Variants in MSRA observed in about 807,000 individuals in gnomAD.
MSRA encodes the protein methionine sulfoxide reductase A.
A neutral mutation model predicts 31.3 loss-of-function variants in MSRA; 54 were observed. The observed-to-expected ratio is 1.73, with a 90% CI of 1.39 to 2.17. The LOEUF is 2.17. MSRA is among the 30% of genes most tolerant of loss of function. The pLI is 0.00. For synonymous variants in MSRA, 169 were observed against 116.5 expected (o/e 1.45, Z -2.90); for missense variants, 507 against 300.9 (o/e 1.69, Z -5.07).
chr8:10,088,106 T>G (rs1230817510), intron 1 of MSRA, among the ~76,000 whole-genome samples: 1 of 152,092 alleles, frequency 6.6e-6, no homozygotes, highest in Admixed American at 6.6e-5. Context: ...GGTATAGAGG[T>G]AGTCTGTTCA....
At chr8:10,215,543 C>T (rs943039177) in intron 2 of MSRA, among the ~76,000 whole-genome samples, 8 of 152,156 alleles carry the variant, frequency 5.3e-5, no homozygotes, top group Admixed American at 5.2e-4. Context: ...GGATCCATCA[C>T]CTCTCCTTCA....
chr8:10,346,877 C>T (rs4841325), intron 5 of MSRA, among the ~76,000 whole-genome samples: 31,314 of 152,096 alleles, frequency 0.21, 3,846 homozygotes, highest in Non-Finnish European at 0.28. Flanking sequence ...TAGGTTGGCT[C>T]CCTGGGCTGG....
intron 1 of MSRA, among the ~76,000 whole-genome samples, chr8:10,126,884 C>T (rs1480584404): frequency 1.3e-5 from 2 of 152,216 alleles, no homozygotes; most frequent in Non-Finnish European, 1.5e-5. Flanking sequence ...GTTCGCACTC[C>T]TATGAGAATG....
chr8:10,428,192 G>C lies in MSRA; in HGVS notation c.588G>C (p.Arg196=). 7.4e-6 allele frequency: 12 copies of C among 1,614,124 alleles called. No individual in the cohort carries two copies. The highest frequency in any genetic ancestry group is 1.0e-5 in the Non-Finnish European group (12 of 1,180,012). The change falls in exon 6 of 6, where the codon CGG becomes CGC. Residue 196 remains arginine (R), a synonymous_variant. Transcript: ENST00000317173. Reference sequence around the variant, plus strand: ...TCGGCCCCATCACTACCGACATCCGGGAGGGACAGACTTTCTACTATGCGG... The same window carrying C: ...TCGGCCCCATCACTACCGACATCCGCGAGGGACAGACTTTCTACTATGCGG... The part of the protein sequence containing the change: ...HGFGPITTDI[R]EGQTFYYAED...
intron 1 of MSRA, among the ~76,000 whole-genome samples, chr8:10,179,166 T>C (rs921615306): frequency 1.3e-5 from 2 of 152,214 alleles, no homozygotes; most frequent in African/African-American, 4.8e-5. Context: ...CTTTTAATAA[T>C]TGAATTATTT....
At chr8:10,418,686 T>C (rs1009173101) in intron 5 of MSRA, among the ~76,000 whole-genome samples, 2 of 151,716 alleles carry the variant, frequency 1.3e-5, no homozygotes, top group Non-Finnish European at 2.9e-5. Context: ...AAAAAGTGTC[T>C]GTAGGTCAGT....
chr8:10,420,302 G>T (rs913270378), intron 5 of MSRA, among the ~76,000 whole-genome samples: 17 of 146,610 alleles, frequency 1.2e-4, no homozygotes, highest in Admixed American at 1.0e-3. Context: ...AAGTTTTTTT[G>T]TTTTTTTTTT....
intron 1 of MSRA, among the ~76,000 whole-genome samples, chr8:10,065,544 CTT>C (rs1483345612): frequency 6.6e-6 from 1 of 152,192 alleles, no homozygotes; most frequent in East Asian, 1.9e-4. Flanking sequence ...ACACACCTGA[CTT>C]AAGCTATGTG....
chr8:10,351,652 T>C (rs918915057), intron 5 of MSRA, among the ~76,000 whole-genome samples: 5 of 152,212 alleles, frequency 3.3e-5, no homozygotes, highest in Admixed American at 6.5e-5. Context: ...GGATGGGAGA[T>C]GATTAAACTA....
chr8:10,301,641 A>G lies in MSRA; in HGVS notation c.436+3A>G, dbSNP rs778440723. 5.0e-6 allele frequency: 8 copies of G among 1,607,078 alleles called. No individual in the cohort carries two copies. Among genetic ancestry groups the G allele is most frequent in the Non-Finnish European group, 6.8e-6 (8 of 1,174,616 alleles). On this transcript the variant is annotated splice_donor_region_variant and intron_variant, in intron 4 of 5. Transcript: ENST00000317173. ...GGAGAATCACGACCCGACCCAAGGT[A>G]GAGTGATGAGTGAGCCAGTATTTAA...
At chr8:10,239,599 C>G (rs1346854516) in intron 2 of MSRA, among the ~76,000 whole-genome samples, 1 of 152,258 alleles carries the variant, frequency 6.6e-6, no homozygotes, top group Non-Finnish European at 1.5e-5. Flanking sequence ...CTTTTGCCTA[C>G]TTGTCCCTGT....
intron 1 of MSRA, among the ~76,000 whole-genome samples, chr8:10,191,606 G>A (rs918660283): frequency 6.6e-6 from 1 of 152,130 alleles, no homozygotes; most frequent in African/African-American, 2.4e-5. Context: ...TTTTAGCAAT[G>A]CCAGCACACG....
chr8:10,113,177 G>T (rs2129014315), intron 1 of MSRA, among the ~76,000 whole-genome samples: 1 of 152,070 alleles, frequency 6.6e-6, no homozygotes, highest in South Asian at 2.1e-4. Context: ...TGAATGTGCT[G>T]GAAGACAGGA....
intron 1 of MSRA, among the ~76,000 whole-genome samples, chr8:10,161,824 GC>G (rs1198340311): frequency 1.3e-5 from 2 of 150,054 alleles, no homozygotes; most frequent in South Asian, 4.2e-4. Flanking sequence ...CGTGAATCCC[GC>G]CCCGCCCCTG....
At position 10,427,281 on chromosome 8, in the gene MSRA, A is replaced by C. The variant is rs556715513; in HGVS notation, c.544-867A>C. Among the ~76,000 whole-genome samples the C allele has an allele frequency of 4.7e-4, 72 of 152,334 alleles. 2 individuals are homozygous for C. In the South Asian group the frequency reaches 0.014, roughly 30 times the overall value. On this transcript the variant is annotated intron_variant, in intron 5 of 5. Coordinates refer to ENST00000317173, the MANE Select transcript of MSRA (RefSeq NM_012331.5). The stretch of plus-strand genomic sequence containing the variant: ...CTGCAACAGGAAAGAATTAGGGCAC[A>C]GCTGAAATCCAAAGGGGAGAAGAAG...
intron 1 of MSRA, among the ~76,000 whole-genome samples, chr8:10,198,812 G>A (rs1368129551): frequency 6.6e-6 from 1 of 152,040 alleles, no homozygotes; most frequent in Non-Finnish European, 1.5e-5. Context: ...ATTTTTTGTA[G>A]CAATGGGAGT....
chr8:10,342,454 A>C (rs1803486649), intron 5 of MSRA, among the ~76,000 whole-genome samples: 1 of 152,232 alleles, frequency 6.6e-6, no homozygotes, highest in Non-Finnish European at 1.5e-5. Context: ...ATATCTTAGC[A>C]TGATGATAAG....
At chr8:10,417,698 C>G (rs1808549951) in intron 5 of MSRA, among the ~76,000 whole-genome samples, 1 of 148,342 alleles carries the variant, frequency 6.7e-6, no homozygotes, top group Admixed American at 6.9e-5. Context: ...AACCTGTGCT[C>G]CCTATGGACT....
chr8:10,197,492 C>A (rs777517696), intron 1 of MSRA, among the ~76,000 whole-genome samples: 1 of 152,032 alleles, frequency 6.6e-6, no homozygotes, highest in African/African-American at 2.4e-5. Context: ...AGAAGTGGGT[C>A]GGGCATTGCG....
Sources: gnomAD v4.1 joint callset for allele counts (sites outside exome capture counted in the v4.1 genomes callset) on GRCh38, gnomAD v4.1.1 for gene constraint, MANE v1.5 for transcripts, NCBI Gene and HGNC (gene_info 2026-07-23, HGNC 2026-07-21) for gene names.